Variants in APOBR observed in about 807,000 individuals in gnomAD.
APOBR encodes the protein apoB-48R.
A neutral mutation model predicts 88.5 loss-of-function variants in APOBR; 57 were observed. The observed-to-expected ratio is 0.64, with a 90% CI of 0.52 to 0.80. The LOEUF (loss-of-function observed/expected upper bound fraction) is 0.80. Ranked by LOEUF, APOBR falls within the 30% of genes least tolerant of loss-of-function variation. APOBR has a pLI of 0.00. For synonymous variants in APOBR, 588 were observed against 572.7 expected, an observed-to-expected ratio of 1.03 and a Z score of -0.38; for missense variants, 1,443 against 1,401.6, an observed-to-expected ratio of 1.03 and a Z score of -0.47.
chr16:28,496,083 G>A lies in APOBR; in HGVS notation c.1042G>A (p.Ala348Thr), dbSNP rs1567268036. 6 of 755,456 alleles carry A rather than the reference G, an allele frequency of 7.9e-6. No individual in the cohort carries two copies. Among genetic ancestry groups the A allele is most frequent in the East Asian group, 5.5e-5 (2 of 36,074 alleles). 46.8% of individuals were successfully genotyped at this position (755,456 alleles called of 1,614,324 possible). Residue 348 changes from alanine to threonine, a missense_variant, in exon 2 of 4, where the codon GCC (alanine) becomes ACC (threonine). By Grantham distance (58) the Ala-to-Thr change is moderately conservative (BLOSUM62 0). Coordinates refer to ENST00000564831, the MANE Select transcript of APOBR (RefSeq NM_018690.4). ...GIASGGEAGT[A>T]SGGEEAGTAS... ...AGCCTCAGGCGGGGAGGCTGGGACA[G>A]CCTCAGGAGGGGAGGAGGCCGGGAC...
At position 28,495,741 on chromosome 16, in the gene APOBR, G is replaced by T; in HGVS notation, c.700G>T (p.Gly234Trp). ...MEQGVREADA[G>W]ETEEPGAEGA... Reference sequence around the variant, plus strand: ...GCAGGGGGTCAGGGAGGCAGATGCAGGGGAAACTGAGGAGCCTGGGGCCGA... The same window carrying T: ...GCAGGGGGTCAGGGAGGCAGATGCATGGGAAACTGAGGAGCCTGGGGCCGA... Residue 234 changes from glycine to tryptophan, a missense_variant, in exon 2 of 4, where the codon GGG becomes TGG. Physicochemically the swap from Gly to Trp is radical, Grantham distance 184 (BLOSUM62 -2). Coordinates refer to ENST00000564831, the MANE Select transcript of APOBR (RefSeq NM_018690.4). The T allele has an allele frequency of 6.5e-7, 1 of 1,540,408 alleles. No homozygotes were observed. The highest frequency in any genetic ancestry group is 2.4e-5 in the East Asian group (1 of 41,890).
chr16:28,495,448 T>A lies in APOBR; in HGVS notation c.407T>A (p.Leu136Ter). 4.5e-6 allele frequency: 7 copies of A among 1,560,872 alleles called. No homozygotes were observed. Among genetic ancestry groups the A allele is most frequent in the Non-Finnish European group, 5.2e-6 (6 of 1,152,786 alleles). The change falls in exon 2 of 4, where the codon TTG becomes TAG. Residue 136 changes from leucine to a stop codon, truncating the protein, a stop_gained. Transcript: ENST00000564831. LOFTEE classifies it high-confidence loss of function. ...AGGTGCCAGGAGCCAAGCGCCCACT[T>A]GGAGGCCAGAAAGAAATCCAAGGCA... ...AARCQEPSAHLEARKKSKAGS... is the reference protein window; with the variant it reads ...AARCQEPSAH
In APOBR at chr16:28,495,811, G is replaced by T. The variant is rs1451518545; in HGVS notation, c.770G>T (p.Cys257Phe). 7 of 1,602,664 alleles carry T rather than the reference G, an allele frequency of 4.4e-6. No individual in the cohort carries two copies. The Admixed American group carries it at 8.7e-5, about 20-fold the overall frequency. ...GEEVVVVEKA[C>F]ESTRAWGTWG... ...GAGGTGGTAGTGGTGGAGAAGGCCTGTGAAAGCACTAGGGCATGGGGGACG... is the reference window on the plus strand; with the variant it reads ...GAGGTGGTAGTGGTGGAGAAGGCCTTTGAAAGCACTAGGGCATGGGGGACG... Residue 257 changes from cysteine (C) to phenylalanine (F), a missense_variant, in exon 2 of 4, where the codon TGT becomes TTT. Coordinates refer to ENST00000564831, the MANE Select transcript of APOBR (RefSeq NM_018690.4).
At position 28,497,396 on chromosome 16, in the gene APOBR, G is replaced by A. The variant is rs567863520; in HGVS notation, c.2355G>A (p.Val785=). Residue 785 remains valine, a synonymous_variant, in exon 2 of 4, where the codon GTG becomes GTA. Coordinates refer to ENST00000564831, the MANE Select transcript of APOBR (RefSeq NM_018690.4). The part of the protein sequence containing the change: ...AAGAGEALEG[V]LGQGWDSKEK... ...GCGCTGGTGAAGCTTTGGAAGGGGT[G>A]CTTGGGCAAGGCTGGGACTCGAAAG... 7.4e-6 allele frequency: 12 copies of A among 1,612,994 alleles called. No homozygotes were observed. Among genetic ancestry groups the A allele is most frequent in the South Asian group, 4.4e-5 (4 of 90,922 alleles).
chr16:28,498,506 C>T lies in APOBR; in HGVS notation c.*1C>T. ...TCTGGGCCGGCCTAAGCCCCAGTGA[C>T]TGAGACCCGGTGCTCTGGGAGCCAG... On this transcript the variant is annotated 3_prime_UTR_variant, in exon 4 of 4. Transcript: ENST00000564831. 6.3e-7 allele frequency: 1 copy of T among 1,593,294 alleles called. No homozygotes were observed. Among genetic ancestry groups the T allele is most frequent in the East Asian group, 2.3e-5 (1 of 43,784 alleles).
In APOBR at chr16:28,496,789, G is replaced by A. The variant is rs2046396330; in HGVS notation, c.1748G>A (p.Gly583Glu). 1.9e-6 allele frequency: 3 copies of A among 1,569,756 alleles called. No homozygotes were observed. The highest frequency in any genetic ancestry group is 2.3e-5 in the East Asian group (1 of 42,646). ...PTKQPEEREA[G>E]EVELMGVLAL... ...AAGCAACCCGAGGAAAGGGAGGCAG[G>A]GGAGGTGGAGCTCATGGGAGTTCTG... is the stretch of plus-strand genomic sequence containing the variant. Residue 583 changes from glycine (G) to glutamate (E), a missense_variant, in exon 2 of 4, where the codon GGG becomes GAG. Physicochemically the swap from Gly to Glu is moderately conservative, Grantham distance 98 (BLOSUM62 -2). Coordinates refer to ENST00000564831, the MANE Select transcript of APOBR (RefSeq NM_018690.4).
Position 28,498,822 on chromosome 16 carries a change from C to T in APOBR, c.*317C>T, listed in dbSNP as rs992190697. 1.8e-5 allele frequency: 10 copies of T among 563,938 alleles called. No homozygotes were observed. The highest frequency in any genetic ancestry group is 2.9e-5 in the Non-Finnish European group (9 of 309,514). The allele number at this position is 563,938 out of a possible 1,614,324, so 34.9% of individuals were successfully genotyped here. A position where few individuals can be genotyped will look rare whatever the true frequency, so the allele number is the denominator to read the frequency against. On this transcript the variant is annotated 3_prime_UTR_variant, in exon 4 of 4. Coordinates refer to ENST00000564831, the MANE Select transcript of APOBR (RefSeq NM_018690.4). ...AGGAGGCTGGGCACGGGGGCTCACG[C>T]CTGTCACCCCAGAGCTTTGGGAGGC... is the stretch of plus-strand genomic sequence containing the variant.
Position 28,497,574 on chromosome 16 carries a change from G to A in APOBR, c.2533G>A (p.Glu845Lys), listed in dbSNP as rs768855119. 7.5e-6 allele frequency: 12 copies of A among 1,604,730 alleles called. No homozygotes were observed. The Admixed American group carries it at 2.0e-4, about 27-fold the overall frequency. Residue 845 changes from glutamate (E) to lysine (K), a missense_variant, in exon 2 of 4, where the codon GAA (glutamate) becomes AAA (lysine). Transcript: ENST00000564831. ...TTGGGGAGGGCGGGTAGAGGCCGAGGAATCTGCAGGCGCAGAGGACAGCTG... is the reference window on the plus strand; with the variant it reads ...TTGGGGAGGGCGGGTAGAGGCCGAGAAATCTGCAGGCGCAGAGGACAGCTG... ...GPWGGRVEAE[E>K]SAGAEDSCGL...
In APOBR at chr16:28,496,867, C is replaced by A. The variant is rs181000858; in HGVS notation, c.1826C>A (p.Ala609Glu). The A allele has an allele frequency of 7.1e-6, 11 of 1,559,330 alleles. No homozygotes were observed. In the African/African-American group the frequency reaches 9.5e-5, roughly 14 times the overall value. The change falls in exon 2 of 4, where the codon GCG becomes GAG. Residue 609 changes from alanine to glutamate, a missense_variant. By Grantham distance (107) the Ala-to-Glu change is moderately radical. Transcript: ENST00000564831. Reference protein sequence around the residue: ...ERSLEAGPRHAGSVKPEASEA... With the variant: ...ERSLEAGPRHEGSVKPEASEA... ...AGCCTGGAGGCAGGTCCCAGGCACG[C>A]GGGGTCTGTAAAGCCTGAGGCCTCC...
chr16:28,494,675 A>C lies in APOBR; in HGVS notation c.-7A>C. 1 of 1,611,726 alleles carries C rather than the reference A, an allele frequency of 6.2e-7. No homozygotes were observed. Among genetic ancestry groups the C allele is most frequent in the Non-Finnish European group, 8.5e-7 (1 of 1,178,588 alleles). On this transcript the variant is annotated 5_prime_UTR_variant, in exon 1 of 4. Coordinates refer to ENST00000564831, the MANE Select transcript of APOBR (RefSeq NM_018690.4). ...GCTTTCTGGACACACAGACAGAGAC[A>C]GACAGGATGGACTTCCTCCGGCTAT...
At position 28,495,499 on chromosome 16, in the gene APOBR, G is replaced by C. The variant is rs2046382195; in HGVS notation, c.458G>C (p.Ser153Thr). 3 of 1,568,604 alleles carry C rather than the reference G, an allele frequency of 1.9e-6. No individual in the cohort carries two copies. The South Asian group carries it at 3.5e-5, about 18-fold the overall frequency. Reference sequence around the variant, plus strand: ...GGGTCTGGGGCTTGCCAAGACAGGAGCGGCCAAGCCCAGGAGAGGCAGGAG... The same window carrying C: ...GGGTCTGGGGCTTGCCAAGACAGGACCGGCCAAGCCCAGGAGAGGCAGGAG... Reference protein sequence around the residue: ...KAGSGACQDRSGQAQERQESH... With the variant: ...KAGSGACQDRTGQAQERQESH... The change falls in exon 2 of 4, where the codon AGC (serine) becomes ACC (threonine). Residue 153 changes from serine to threonine, a missense_variant. Physicochemically the swap from Ser to Thr is moderately conservative, Grantham distance 58. Coordinates refer to ENST00000564831, the MANE Select transcript of APOBR (RefSeq NM_018690.4).
Position 28,495,775 on chromosome 16 carries a change from G to A in APOBR, c.734G>A (p.Gly245Glu). The A allele has an allele frequency of 1.9e-6, 3 of 1,576,536 alleles. No homozygotes were observed. Among genetic ancestry groups the A allele is most frequent in the Non-Finnish European group, 2.6e-6 (3 of 1,161,420 alleles). The change falls in exon 2 of 4, where the codon GGG becomes GAG. Residue 245 changes from glycine to glutamate, a missense_variant. Physicochemically the swap from Gly to Glu is moderately conservative, Grantham distance 98 (BLOSUM62 -2). Coordinates refer to ENST00000564831, the MANE Select transcript of APOBR (RefSeq NM_018690.4). ...ETEEPGAEGA[G>E]KGEEVVVVEK... The stretch of plus-strand genomic sequence containing the variant: ...GAGGAGCCTGGGGCCGAAGGGGCTG[G>A]GAAAGGAGAAGAGGTGGTAGTGGTG...
In APOBR at chr16:28,496,562, G is replaced by A. The variant is rs1429048905; in HGVS notation, c.1521G>A (p.Glu507=). The A allele has an allele frequency of 4.5e-6, 7 of 1,563,602 alleles. No homozygotes were observed. The highest frequency in any genetic ancestry group is 2.4e-5 in the South Asian group (2 of 82,778). Residue 507 remains glutamate, a synonymous_variant, in exon 2 of 4, where the codon GAG becomes GAA. Transcript: ENST00000564831. ...ERGSSRDPVA[E]LPSDGEAEGT... is the part of the protein sequence containing the mutation. ...GGAGCAGCAGGGATCCAGTGGCTGAGCTGCCCTCAGATGGAGAGGCTGAAG... is the reference window on the plus strand; with the variant it reads ...GGAGCAGCAGGGATCCAGTGGCTGAACTGCCCTCAGATGGAGAGGCTGAAG...
In APOBR at chr16:28,497,455, G is replaced by A; in HGVS notation, c.2414G>A (p.Gly805Asp). 1.2e-6 allele frequency: 2 copies of A among 1,613,954 alleles called. No homozygotes were observed. Among genetic ancestry groups the A allele is most frequent in the Non-Finnish European group, 1.7e-6 (2 of 1,179,866 alleles). The change falls in exon 2 of 4, where the codon GGT becomes GAT. Residue 805 changes from glycine (G) to aspartate (D), a missense_variant. Coordinates refer to ENST00000564831, the MANE Select transcript of APOBR (RefSeq NM_018690.4). ...GAGGCAGCAGCAGGAGAGCATGCAG[G>A]TGGGCAAGAATTTGGTCTGGAGGGC... ...KEEAAAGEHAGGQEFGLEGSA... is the reference protein window; with the variant it reads ...KEEAAAGEHADGQEFGLEGSA...
intron 1 of APOBR, 130 bp downstream of exon 1, chr16:28,494,868 G>A: frequency 1.0e-6 from 1 of 994,854 alleles, no homozygotes. Flanking sequence ...TGCTTTCTCA[G>A]GTTCAGGCAG....
Position 28,496,825 on chromosome 16 carries a change from AAGAGGAGCAGG to A in APOBR, c.1793_1803del (p.Gln598ProfsTer14), listed in dbSNP as rs1430527932. ...CTCATGGGAGTTCTGGCCCTGAGCA[AAGAGGAGCAGG>A]AGAGGAGCCTGGAGGCAGGTCCCAG... On this transcript the variant is annotated frameshift_variant, in exon 2 of 4. Transcript: ENST00000564831. LOFTEE classifies it high-confidence loss of function. 1 of 1,561,606 alleles carries A rather than the reference AAGAGGAGCAGG, an allele frequency of 6.4e-7. No homozygotes were observed. Among genetic ancestry groups the A allele is most frequent in the Non-Finnish European group, 8.7e-7 (1 of 1,152,744 alleles).
In APOBR at chr16:28,498,318, G is replaced by C; in HGVS notation, c.3193G>C (p.Val1065Leu). 6.3e-7 allele frequency: 1 copy of C among 1,599,416 alleles called. No individual in the cohort carries two copies. Among genetic ancestry groups the C allele is most frequent in the Non-Finnish European group, 8.5e-7 (1 of 1,172,440 alleles). Residue 1065 changes from valine (V) to leucine (L), a missense_variant, in exon 3 of 4, where the codon GTG (valine) becomes CTG (leucine). Coordinates refer to ENST00000564831, the MANE Select transcript of APOBR (RefSeq NM_018690.4). ...PSPLRHDGTP[V>L]PARRRPLGHG... The stretch of plus-strand genomic sequence containing the variant: ...CCCTCTGAGGCATGATGGGACCCCG[G>C]TGCCAGCCAGGAGAAGGCCCCTGGG...
In APOBR at chr16:28,496,870, G is replaced by A. The variant is rs1233238203; in HGVS notation, c.1829G>A (p.Gly610Glu). Residue 610 changes from glycine (G) to glutamate (E), a missense_variant, in exon 2 of 4, where the codon GGG becomes GAG. By Grantham distance (98) the Gly-to-Glu change is moderately conservative. Coordinates refer to ENST00000564831, the MANE Select transcript of APOBR (RefSeq NM_018690.4). ...RSLEAGPRHAGSVKPEASEAF... is the reference protein window; with the variant it reads ...RSLEAGPRHAESVKPEASEAF... ...CTGGAGGCAGGTCCCAGGCACGCGG[G>A]GTCTGTAAAGCCTGAGGCCTCCGAG... 8 of 1,560,126 alleles carry A rather than the reference G, an allele frequency of 5.1e-6. No homozygotes were observed. The highest frequency in any genetic ancestry group is 2.4e-5 in the South Asian group (2 of 84,702).
In APOBR at chr16:28,495,951, A is replaced by G. The variant is rs765037077; in HGVS notation, c.910A>G (p.Ile304Val). The change falls in exon 2 of 4, where the codon ATC becomes GTC. Residue 304 changes from isoleucine (I) to valine (V), a missense_variant. Ile to Val is a conservative substitution (Grantham distance 29). Coordinates refer to ENST00000564831, the MANE Select transcript of APOBR (RefSeq NM_018690.4). ...TTTAGATGGGGAGGAAGCCAGGACAATCTCAGGCGGGGAGGAGGCTGAGAC... is the reference window on the plus strand; with the variant it reads ...TTTAGATGGGGAGGAAGCCAGGACAGTCTCAGGCGGGGAGGAGGCTGAGAC... ...AILDGEEARTISGGEEAETAS... is the reference protein window; with the variant it reads ...AILDGEEARTVSGGEEAETAS... 4.4e-6 allele frequency: 7 copies of G among 1,604,020 alleles called. No individual in the cohort carries two copies. In the South Asian group the frequency reaches 5.5e-5, roughly 13 times the overall value.
Sources: gnomAD v4.1 joint callset for allele counts on GRCh38, gnomAD v4.1.1 for gene constraint, MANE v1.5 for transcripts, NCBI Gene and HGNC (gene_info 2026-07-23, HGNC 2026-07-21) for gene names.